Variants in RIMS2 observed in about 807,000 individuals in gnomAD.
RIMS2 encodes the protein regulating synaptic membrane exocytosis protein 2.
RIMS2 carries 59 observed loss-of-function variants against 174.4 expected under a neutral mutation model. The ratio of observed to expected loss-of-function variants is 0.34; its 90% CI spans 0.27 to 0.42. The LOEUF (loss-of-function observed/expected upper bound fraction) is 0.42. Among genes scored for constraint, RIMS2 ranks in the 10% least tolerant of loss-of-function variants. The pLI is 1.00. For synonymous variants in RIMS2, 606 were observed against 572.5 expected (o/e 1.06, Z -0.84); for missense variants, 1,620 against 1,666.3 (o/e 0.97, Z 0.48).
chr8:103,941,810 A>T (rs1438523150), intron 13 of RIMS2, among the ~76,000 whole-genome samples: 1 of 152,186 alleles, frequency 6.6e-6, no homozygotes, highest in African/African-American at 2.4e-5. Flanking sequence ...AGGCTGATTC[A>T]GTTTACACCT....
At chr8:104,050,989 A>G (rs2096775654) in intron 19 of RIMS2, among the ~76,000 whole-genome samples, 1 of 152,162 alleles carries the variant, frequency 6.6e-6, no homozygotes, top group South Asian at 2.1e-4. Context: ...TAATCCCAGC[A>G]CTTCAGGAGT....
At chr8:103,594,362 G>A (rs1436850612) in intron 1 of RIMS2, among the ~76,000 whole-genome samples, 1 of 151,580 alleles carries the variant, frequency 6.6e-6, no homozygotes, top group Non-Finnish European at 1.5e-5. Flanking sequence ...ACATGTGTTA[G>A]TTAAGTTTCA....
At chr8:103,804,159 G>A (rs2098634441) in intron 3 of RIMS2, among the ~76,000 whole-genome samples, 1 of 152,064 alleles carries the variant, frequency 6.6e-6, no homozygotes, top group African/African-American at 2.4e-5. Context: ...TACATTTTTG[G>A]GAAATTCCAT....
At chr8:103,929,257 A>T (rs527309296) in intron 11 of RIMS2, among the ~76,000 whole-genome samples, 1 of 151,800 alleles carries the variant, frequency 6.6e-6, no homozygotes, top group African/African-American at 2.4e-5. Flanking sequence ...GATAATATTC[A>T]GGTTTTCCAT....
intron 1 of RIMS2, among the ~76,000 whole-genome samples, chr8:103,593,801 A>G (rs2094368908): frequency 1.3e-5 from 2 of 151,456 alleles, no homozygotes; most frequent in South Asian, 2.1e-4. Flanking sequence ...CAATGGATTT[A>G]TTATTAATAA....
rs187765898 is a variant in RIMS2, at chr8:103,899,460, T to A, written c.1625-10674T>A. Among the ~76,000 whole-genome samples the A allele has an allele frequency of 2.2e-3, 336 of 151,928 alleles. 4 individuals are homozygous for A. The highest frequency in any genetic ancestry group is 3.4e-3 in the Middle Eastern group (1 of 294). ...TCTCATTGTGGTTTTGATTTGCATT[T>A]CTCTGATGGCCAGTGATGATGAGCA... On this transcript the variant is annotated intron_variant, in intron 4 of 23. Transcript: ENST00000504942.
At chr8:103,517,962 G>C (rs1829814999) in intron 1 of RIMS2, among the ~76,000 whole-genome samples, 1 of 151,800 alleles carries the variant, frequency 6.6e-6, no homozygotes, top group Admixed American at 6.6e-5. Context: ...ATATTTTAAG[G>C]TTTACAAATT....
chr8:103,785,722 TA>T (rs906873366), intron 3 of RIMS2, among the ~76,000 whole-genome samples: 7 of 152,224 alleles, frequency 4.6e-5, no homozygotes, highest in African/African-American at 1.7e-4. Context: ...GATATTGGTC[TA>T]AAAATCTCTT....
chr8:103,867,930 A>G (rs555878885), intron 3 of RIMS2, among the ~76,000 whole-genome samples: 10 of 152,114 alleles, frequency 6.6e-5, no homozygotes, highest in African/African-American at 2.4e-4. Context: ...AATAATTACC[A>G]TTGGTATTAT....
chr8:103,563,147 A>G (rs1445808146), intron 1 of RIMS2, among the ~76,000 whole-genome samples: 1 of 152,210 alleles, frequency 6.6e-6, no homozygotes, highest in Non-Finnish European at 1.5e-5. Context: ...GGTGATTAAC[A>G]TTCAGCTCCC....
intron 2 of RIMS2, among the ~76,000 whole-genome samples, chr8:103,756,390 G>GGTTT (rs567212258): frequency 8.9e-6 from 1 of 112,496 alleles, no homozygotes. Flanking sequence ...TGTTGTTTTT[G>GGTTT]TTTTTTTTTT....
chr8:103,992,432 GT>G (rs2094785650), intron 17 of RIMS2, among the ~76,000 whole-genome samples: 1 of 151,534 alleles, frequency 6.6e-6, no homozygotes, highest in African/African-American at 2.4e-5. Context: ...GGCCCATGTA[GT>G]TTTTTGTTTG....
At position 104,096,288 on chromosome 8, in the gene RIMS2, G is replaced by A. The variant is rs547463887; in HGVS notation, c.3334+81673G>A. The stretch of plus-strand genomic sequence containing the variant: ...TGTTTGCCTGGAGCCCAGATCCCAC[G>A]CTGCCATACCTGGCTTGCTAGGCAG... On this transcript the variant is annotated intron_variant, in intron 19 of 23. Coordinates refer to ENST00000504942, the Ensembl canonical transcript of RIMS2. Among the ~76,000 whole-genome samples the A allele has an allele frequency of 4.6e-5, 7 of 152,260 alleles. No homozygotes were observed. The East Asian group carries it at 7.7e-4, about 17-fold the overall frequency.
chr8:103,532,415 T>C (rs923539744), intron 1 of RIMS2, among the ~76,000 whole-genome samples: 1 of 152,242 alleles, frequency 6.6e-6, no homozygotes, highest in African/African-American at 2.4e-5. Flanking sequence ...GGAACATAGC[T>C]AATCTGTTAA....
chr8:104,191,670 T>C (rs2098998501), intron 19 of RIMS2, among the ~76,000 whole-genome samples: 1 of 152,178 alleles, frequency 6.6e-6, no homozygotes, highest in Admixed American at 6.6e-5. Flanking sequence ...TATTTGGCTC[T>C]TTCTAATTTG....
At position 104,225,827 on chromosome 8, in the gene RIMS2, G is replaced by T. The variant is rs375762533; in HGVS notation, c.3335-19089G>T. ...ACAGTTCTCTACTAGTAACTAGAGA[G>T]GAGACACTCTCCATAAATTAGAGGT... On this transcript the variant is annotated intron_variant, in intron 19 of 23. Transcript: ENST00000504942. Among the ~76,000 whole-genome samples, 6 of 152,152 alleles carry T rather than the reference G, an allele frequency of 3.9e-5. No individual in the cohort carries two copies. The East Asian group carries it at 7.7e-4, about 20-fold the overall frequency.
Position 103,500,782 on chromosome 8 carries a change from T to G in RIMS2, c.-105T>G. On this transcript the variant is annotated 5_prime_UTR_variant, in exon 1 of 24. An upstream start codon of the reference 5' UTR is lost. Transcript: ENST00000504942. ...TTGGATTGAAGGCCATTGATTTGTA[T>G]GTATTTGTCCCAGCGCTGGAGGCTG... 2 of 613,164 alleles carry G rather than the reference T, an allele frequency of 3.3e-6. No individual in the cohort carries two copies. Among genetic ancestry groups the G allele is most frequent in the Non-Finnish European group, 5.6e-6 (2 of 356,822 alleles). 38.0% of individuals were successfully genotyped at this position (613,164 alleles called of 1,614,324 possible). A position where few individuals can be genotyped will look rare whatever the true frequency, so the allele number is the denominator to read the frequency against.
intron 2 of RIMS2, among the ~76,000 whole-genome samples, chr8:103,703,002 GAC>G (rs2097184982): frequency 7.2e-6 from 1 of 139,734 alleles, no homozygotes; most frequent in South Asian, 2.2e-4. Context: ...TTTTTTTTGA[GAC>G]AAGATCTCAG....
chr8:103,778,958 A>G (rs2098352157), intron 3 of RIMS2, among the ~76,000 whole-genome samples: 1 of 152,118 alleles, frequency 6.6e-6, no homozygotes, highest in East Asian at 1.9e-4. Context: ...GGGTGAGAAG[A>G]TATCTCATTG....
Sources: gnomAD v4.1 joint callset for allele counts (sites outside exome capture counted in the v4.1 genomes callset) on GRCh38, gnomAD v4.1.1 for gene constraint, MANE v1.5 for transcripts, NCBI Gene and HGNC (gene_info 2026-07-23, HGNC 2026-07-21) for gene names.